TMEM120B: variants seen among roughly 807,000 people sequenced by gnomAD.
TMEM120B encodes the protein transmembrane protein 120B.
TMEM120B carries 31 observed loss-of-function variants against 55.5 expected under a neutral mutation model. The ratio of observed to expected loss-of-function variants is 0.56; its 90% CI spans 0.42 to 0.75. The LOEUF (loss-of-function observed/expected upper bound fraction) is 0.75, where lower values mean the gene tolerates loss of function less well. Among genes scored for constraint, TMEM120B ranks in the 30% least tolerant of loss-of-function variants. TMEM120B has a pLI of 0.00. For missense variants in TMEM120B, 399 were observed against 425.5 expected (o/e 0.94, Z 0.55); for synonymous variants, 203 against 176.3 (o/e 1.15, Z -1.20).
intron 2 of TMEM120B, among the ~76,000 whole-genome samples, chr12:121,744,870 G>A (rs964153962): frequency 3.9e-5 from 6 of 152,212 alleles, no homozygotes; most frequent in African/African-American, 1.4e-4. Flanking sequence ...CAACTAAGGG[G>A]TAGAGAGTGT....
At chr12:121,753,352 T>TA (rs1328185076) in intron 5 of TMEM120B, among the ~76,000 whole-genome samples, 1 of 152,038 alleles carries the variant, frequency 6.6e-6, no homozygotes, top group Non-Finnish European at 1.5e-5. Context: ...GGTTTTTTTT[T>TA]AGAGTAATAA....
intron 6 of TMEM120B, among the ~76,000 whole-genome samples, chr12:121,763,467 G>A (rs118115824): frequency 0.03 from 4,577 of 151,808 alleles, 102 homozygotes; most frequent in Non-Finnish European, 0.05. Context: ...TGGCCGAGAT[G>A]GAGTCTTGTT....
chr12:121,721,733 G>T (rs9651793), intron 1 of TMEM120B, among the ~76,000 whole-genome samples: 5,204 of 150,024 alleles, frequency 0.035, 271 homozygotes, highest in African/African-American at 0.11. Flanking sequence ...CTCCCAAAGT[G>T]CTGGGATTAC....
chr12:121,731,274 C>T (rs906943302), intron 1 of TMEM120B, among the ~76,000 whole-genome samples: 15 of 151,934 alleles, frequency 9.9e-5, no homozygotes, highest in Non-Finnish European at 1.5e-4. Context: ...TTTTTTCAGG[C>T]GTAGTCTTGC....
rs571652087 is a variant in TMEM120B, at chr12:121,752,633, G to A, written c.461+410G>A. ...CCAGGCATGGTGGAGTATGTCTTTA[G>A]TCCCAGCTACTCGGAAGGGTGAGAC... On this transcript the variant is annotated intron_variant, in intron 5 of 11. Transcript: ENST00000449592. 1.2e-4 allele frequency among the ~76,000 whole-genome samples: 19 copies of A among 152,170 alleles called. No individual in the cohort carries two copies. In the South Asian group the frequency reaches 3.9e-3, roughly 32 times the overall value.
chr12:121,733,721 A>G (rs1429758501), intron 1 of TMEM120B, among the ~76,000 whole-genome samples: 1 of 150,940 alleles, frequency 6.6e-6, no homozygotes, highest in Non-Finnish European at 1.5e-5. Flanking sequence ...TATTTTTAGT[A>G]GAGATGGGGT....
rs199628911 is a variant in TMEM120B at position 121,781,024 on chromosome 12, G to A, written c.*5302G>A. 1.2e-5 allele frequency: 19 copies of A among 1,613,168 alleles called. No individual in the cohort carries two copies. The highest frequency in any genetic ancestry group is 3.3e-4 in the Middle Eastern group (2 of 6,084). ...GGGAACCACTGTGGAGGGAGGAGGCGGGATCAGGGGTGCGGCCGGGCCCAG... is the reference window on the plus strand; with the variant it reads ...GGGAACCACTGTGGAGGGAGGAGGCAGGATCAGGGGTGCGGCCGGGCCCAG... On this transcript the variant is annotated 3_prime_UTR_variant, in exon 12 of 12. Coordinates refer to ENST00000449592, the MANE Select transcript of TMEM120B (RefSeq NM_001080825.2).
intron 10 of TMEM120B, 77 bp from the exon 11 acceptor site, chr12:121,774,985 C>A: frequency 6.6e-7 from 1 of 1,520,068 alleles, no homozygotes. Context: ...GGGTGAGGGG[C>A]CTGGCCATCA....
rs1287724118 is a variant in TMEM120B at position 121,778,914 on chromosome 12, CAAAG to C, written c.*3194_*3197del. 1.3e-5 allele frequency: 2 copies of C among 154,302 alleles called. No homozygotes were observed. Among genetic ancestry groups the C allele is most frequent in the Non-Finnish European group, 2.9e-5 (2 of 69,370 alleles). The allele number at this position is 154,302 out of a possible 1,614,324, so 9.6% of individuals were successfully genotyped here. ...CCCTGGGCACATGTGCCCAGCTCTG[CAAAG>C]ACAGTGGCCAAGTTGAAGACAAGTC... On this transcript the variant is annotated 3_prime_UTR_variant, in exon 12 of 12. Transcript: ENST00000449592.
intron 5 of TMEM120B, among the ~76,000 whole-genome samples, chr12:121,760,088 G>A (rs1309667495): frequency 3.7e-5 from 5 of 136,692 alleles, no homozygotes; most frequent in Admixed American, 8.2e-5. Flanking sequence ...CCGAGATCAC[G>A]CCACCGCACT....
At chr12:121,753,867 G>A (rs560970870) in intron 5 of TMEM120B, among the ~76,000 whole-genome samples, 3 of 152,342 alleles carry the variant, frequency 2.0e-5, no homozygotes, top group Non-Finnish European at 4.4e-5. Flanking sequence ...AGCTGGCACC[G>A]TGTGTGGAAG....
intron 1 of TMEM120B, among the ~76,000 whole-genome samples, chr12:121,740,606 T>C (rs1221016921): frequency 2.0e-5 from 3 of 152,030 alleles, no homozygotes; most frequent in African/African-American, 7.2e-5. Context: ...TCATCCTTTG[T>C]GTCTTCACAT....
intron 6 of TMEM120B, among the ~76,000 whole-genome samples, chr12:121,767,102 C>A (rs1255047200): frequency 6.6e-6 from 1 of 151,872 alleles, no homozygotes; most frequent in Non-Finnish European, 1.5e-5. Flanking sequence ...CATTGATGCA[C>A]CTGCTCCTCC....
intron 1 of TMEM120B, among the ~76,000 whole-genome samples, chr12:121,736,826 C>T (rs1034983198): frequency 2.6e-5 from 4 of 152,066 alleles, no homozygotes; most frequent in South Asian, 2.1e-4. Flanking sequence ...ATTACAGGTG[C>T]GAGCCACTGC....
intron 1 of TMEM120B, among the ~76,000 whole-genome samples, chr12:121,728,488 CAAAA>C (rs745979690): frequency 2.9e-5 from 3 of 102,666 alleles, no homozygotes. Flanking sequence ...GACTCCGTCT[CAAAA>C]AAAAAAAAAA....
intron 1 of TMEM120B, among the ~76,000 whole-genome samples, chr12:121,741,534 A>G (rs6486774): frequency 0.96 from 146,092 of 152,260 alleles, 70,304 homozygotes; most frequent in East Asian, 1. Flanking sequence ...TCTCCATGTT[A>G]GTCAGGCTGG....
In TMEM120B at chr12:121,734,784, G is replaced by T. The variant is rs142817930; in HGVS notation, c.70-8845G>T. Among the ~76,000 whole-genome samples, 892 of 151,926 alleles carry T rather than the reference G, an allele frequency of 5.9e-3. 6 individuals are homozygous for T. Among genetic ancestry groups the T allele is most frequent in the African/African-American group, 0.02 (825 of 41,470 alleles). On this transcript the variant is annotated intron_variant, in intron 1 of 11. Transcript: ENST00000449592. ...AAAAATTAGCTGGGCGTGATGGCAGGTGCCTGTAATCCCAGGTACTTTGGA... is the reference window on the plus strand; with the variant it reads ...AAAAATTAGCTGGGCGTGATGGCAGTTGCCTGTAATCCCAGGTACTTTGGA...
At position 121,779,367 on chromosome 12, in the gene TMEM120B, G is replaced by A; in HGVS notation, c.*3645G>A. On this transcript the variant is annotated 3_prime_UTR_variant, in exon 12 of 12. Coordinates refer to ENST00000449592, the MANE Select transcript of TMEM120B (RefSeq NM_001080825.2). ...CCAGGAAAGGAGAGAGTTCCAGAAT[G>A]TTCCAAGAGTCTAGCCGCAGGCCCC... 1 of 953,344 alleles carries A rather than the reference G, an allele frequency of 1.0e-6. No individual in the cohort carries two copies. The highest frequency in any genetic ancestry group is 1.5e-6 in the Non-Finnish European group (1 of 651,674). The allele number at this position is 953,344 out of a possible 1,614,324, so 59.1% of individuals were successfully genotyped here.
chr12:121,757,314 A>G (rs1367998679), intron 5 of TMEM120B, among the ~76,000 whole-genome samples: 1 of 151,556 alleles, frequency 6.6e-6, no homozygotes, highest in Non-Finnish European at 1.5e-5. Flanking sequence ...GGAGCGCACC[A>G]CCACACCCGG....
Sources: allele counts gnomAD v4.1 joint callset (sites outside exome capture counted in the v4.1 genomes callset), GRCh38; gene constraint gnomAD v4.1.1; transcripts MANE v1.5; gene names NCBI Gene and HGNC (gene_info 2026-07-23, HGNC 2026-07-21).